PDE10A: variants seen among roughly 807,000 people sequenced by gnomAD.
PDE10A encodes cAMP and cAMP-inhibited cGMP 3',5'-cyclic phosphodiesterase 10A.
A neutral mutation model predicts 97.7 loss-of-function variants in PDE10A; 39 were observed. The ratio of observed to expected loss-of-function variants is 0.40; its 90% CI spans 0.31 to 0.52. The LOEUF (loss-of-function observed/expected upper bound fraction) is 0.52. Among genes scored for constraint, PDE10A ranks in the 20% least tolerant of loss-of-function variants. The probability of loss-of-function intolerance (pLI) is 0.56; values close to 1 mark genes in which losing one functional copy is unlikely to be tolerated. For synonymous variants in PDE10A, 371 were observed against 376.8 expected, an observed-to-expected ratio of 0.98 and a Z score of 0.18; for missense variants, 731 against 1,047.8, an observed-to-expected ratio of 0.70 and a Z score of 4.17.
At chr6:165,590,743 A>T in intron 1 of PDE10A, among the ~76,000 whole-genome samples, 1 of 151,996 alleles carries the variant, frequency 6.6e-6, no homozygotes, top group Non-Finnish European at 1.5e-5. Context: ...TACAAAAAAT[A>T]AGCCGGGCAT....
chr6:165,825,499 G>A (rs1201317831), intron 1 of PDE10A, among the ~76,000 whole-genome samples: 4 of 152,170 alleles, frequency 2.6e-5, no homozygotes, highest in African/African-American at 9.7e-5. Context: ...TTTGAGGGAG[G>A]AAATCCTAAT....
At chr6:165,429,143 C>T (rs1409542453) in intron 9 of PDE10A, among the ~76,000 whole-genome samples, 1 of 151,960 alleles carries the variant, frequency 6.6e-6, no homozygotes, top group East Asian at 1.9e-4. Flanking sequence ...AGAAAGTTAG[C>T]ATTTAAAGTG....
chr6:165,670,254 G>A (rs1055725574), intron 1 of PDE10A, among the ~76,000 whole-genome samples: 1 of 152,208 alleles, frequency 6.6e-6, no homozygotes, highest in Non-Finnish European at 1.5e-5. Flanking sequence ...TTGATGCAAG[G>A]ATGCAGCTTG....
chr6:165,368,975 G>A (rs1380498357), intron 18 of PDE10A, among the ~76,000 whole-genome samples: 6 of 152,142 alleles, frequency 3.9e-5, no homozygotes, highest in Admixed American at 3.9e-4. Flanking sequence ...ACAGGGTCTG[G>A]AGTGGACCTC....
rs771642535 is a variant in PDE10A at position 165,691,589 on chromosome 6, G to GCACA, written c.-614-148022_-614-148021insTGTG. On this transcript the variant is annotated intron_variant, in intron 1 of 19. Coordinates refer to the PDE10A transcript ENST00000366882. ...TGCCCATGCGCACGCATGCACGCGC[G>GCACA]CGCACACACACACACACACACACAC... Among the ~76,000 whole-genome samples the GCACA allele has an allele frequency of 7.4e-3, 1,067 of 144,552 alleles. 8 individuals are homozygous for GCACA. The highest frequency in any genetic ancestry group is 0.039 in the South Asian group (172 of 4,436). 94.8% of individuals were successfully genotyped at this position (144,552 alleles called of 152,430 possible).
chr6:165,981,040 T>C (rs1784998043), intron 1 of PDE10A, among the ~76,000 whole-genome samples: 1 of 152,196 alleles, frequency 6.6e-6, no homozygotes, highest in Non-Finnish European at 1.5e-5. Flanking sequence ...CTCTGTTTAT[T>C]TGAAATTCTG....
intron 1 of PDE10A, among the ~76,000 whole-genome samples, chr6:165,748,143 AT>A (rs1259887548): frequency 6.6e-6 from 1 of 152,218 alleles, no homozygotes; most frequent in Non-Finnish European, 1.5e-5. Flanking sequence ...TAGAGAACCC[AT>A]GTCAGACAGC....
At chr6:165,848,262 C>T (rs1046535497) in intron 1 of PDE10A, among the ~76,000 whole-genome samples, 3 of 152,100 alleles carry the variant, frequency 2.0e-5, no homozygotes, top group Non-Finnish European at 2.9e-5. Context: ...GGATGGCGAG[C>T]AACATGGGCC....
At chr6:165,985,283 C>T (rs1367966066) in intron 1 of PDE10A, among the ~76,000 whole-genome samples, 2 of 152,216 alleles carry the variant, frequency 1.3e-5, no homozygotes, top group Non-Finnish European at 2.9e-5. Flanking sequence ...ACTAGTTCAT[C>T]GGGGCCTACT....
intron 1 of PDE10A, among the ~76,000 whole-genome samples, chr6:165,820,672 A>G (rs1374138717): frequency 6.6e-6 from 1 of 152,210 alleles, no homozygotes; most frequent in East Asian, 1.9e-4. Flanking sequence ...CTACCTTACC[A>G]TGAAGGAAGC....
intron 1 of PDE10A, among the ~76,000 whole-genome samples, chr6:165,975,887 C>G (rs1784831359): frequency 6.6e-6 from 1 of 152,220 alleles, no homozygotes; most frequent in Admixed American, 6.5e-5. Context: ...GTGGGTAGAG[C>G]TGTTCCCAGC....
intron 5 of PDE10A, among the ~76,000 whole-genome samples, chr6:165,440,691 C>G (rs1326206660): frequency 2.0e-5 from 3 of 151,482 alleles, no homozygotes; most frequent in Non-Finnish European, 2.9e-5. Flanking sequence ...CTCTATGAAT[C>G]TAGGACTCTA....
intron 3 of PDE10A, among the ~76,000 whole-genome samples, chr6:165,464,860 C>T (rs968892828): frequency 2.6e-5 from 4 of 152,210 alleles, no homozygotes; most frequent in Non-Finnish European, 5.9e-5. Context: ...TTACTGGTAA[C>T]ATTCCATTGT....
At chr6:165,450,385 A>G (rs767761105) in intron 3 of PDE10A, 23 bp from the exon 4 acceptor site, 1 of 1,425,548 alleles carries the variant, frequency 7.0e-7, no homozygotes, top group East Asian at 2.3e-5. Flanking sequence ...AATAACAAAA[A>G]TAAAAACAGA....
chr6:165,787,719 G>A (rs942517755), intron 1 of PDE10A, among the ~76,000 whole-genome samples: 1 of 152,088 alleles, frequency 6.6e-6, no homozygotes, highest in African/African-American at 2.4e-5. Flanking sequence ...AACTTATCCT[G>A]TGTGCCAGGC....
intron 1 of PDE10A, among the ~76,000 whole-genome samples, chr6:165,758,458 C>G (rs1235159406): frequency 7.1e-6 from 1 of 140,422 alleles, no homozygotes; most frequent in East Asian, 2.1e-4. Context: ...AAGAGTCTGT[C>G]TTGAAAAAAG....
chr6:165,678,249 A>C (rs1401373967), intron 1 of PDE10A, among the ~76,000 whole-genome samples: 1 of 5,450 alleles, frequency 1.8e-4, no homozygotes, highest in Non-Finnish European at 4.1e-4. Flanking sequence ...GTATCTGTGA[A>C]TGTGTATCGG....
At chr6:165,378,608 T>G (rs559561593) in intron 18 of PDE10A, among the ~76,000 whole-genome samples, 1 of 152,340 alleles carries the variant, frequency 6.6e-6, no homozygotes, top group East Asian at 1.9e-4. Context: ...CAGACTAATT[T>G]AGCCTGATTC....
At chr6:165,522,556 A>T (rs1424718542) in intron 2 of PDE10A, among the ~76,000 whole-genome samples, 1 of 152,136 alleles carries the variant, frequency 6.6e-6, no homozygotes. Context: ...AAGTTTCAAT[A>T]AAATCCAACA....
Sources: gnomAD v4.1 joint callset for allele counts (sites outside exome capture counted in the v4.1 genomes callset) on GRCh38, gnomAD v4.1.1 for gene constraint, MANE v1.5 for transcripts, NCBI Gene and HGNC (gene_info 2026-07-23, HGNC 2026-07-21) for gene names.